PROM1: variants seen among roughly 807,000 people sequenced by gnomAD.
PROM1 encodes prominin-1.
Under a neutral mutation model 116.9 loss-of-function variants are expected in PROM1, and 105 were observed. That is an observed-to-expected ratio of 0.90 (90% CI 0.77 to 1.06). The LOEUF is 1.06. Ranked by LOEUF, PROM1 falls within the 50% of genes least tolerant of loss-of-function variation. PROM1 has a pLI of 0.00. For missense variants in PROM1, 1,122 were observed against 1,045.2 expected, an observed-to-expected ratio of 1.07 and a Z score of -1.01; for synonymous variants, 393 against 387.0, an observed-to-expected ratio of 1.02 and a Z score of -0.18.
chr4:15,971,378 T>C, intron 26 of PROM1: 2 of 331,976 alleles, frequency 6.0e-6, no homozygotes, highest in Non-Finnish European at 1.1e-5. Context: ...GAATACGTGT[T>C]GAAGACATTA....
At chr4:16,052,842 T>C (rs988821784) in intron 2 of PROM1, among the ~76,000 whole-genome samples, 1 of 152,202 alleles carries the variant, frequency 6.6e-6, no homozygotes, top group East Asian at 1.9e-4. Context: ...CAAATGATTG[T>C]TGGGGAACAG....
intron 13 of PROM1, among the ~76,000 whole-genome samples, chr4:16,004,823 C>CTT (rs1453283390): frequency 5.2e-5 from 6 of 114,766 alleles, no homozygotes; most frequent in Admixed American, 1.7e-4. Flanking sequence ...TTCTTTCTTT[C>CTT]TTTCTTTTTC....
chr4:15,991,673 G>A (rs992185600), intron 17 of PROM1, among the ~76,000 whole-genome samples: 3 of 151,078 alleles, frequency 2.0e-5, no homozygotes, highest in African/African-American at 7.3e-5. Flanking sequence ...AGAGGCTCAC[G>A]CCTGTAATTC....
chr4:16,044,989 G>A (rs758068023), intron 2 of PROM1, among the ~76,000 whole-genome samples: 7 of 152,202 alleles, frequency 4.6e-5, no homozygotes, highest in Non-Finnish European at 8.8e-5. Flanking sequence ...GTCCAGCACA[G>A]TGCCTGGTAT....
chr4:16,055,419 G>C (rs560120492), intron 2 of PROM1: 1 of 456,212 alleles, frequency 2.2e-6, no homozygotes, highest in African/African-American at 2.0e-5. Flanking sequence ...AAATGAGCAG[G>C]CTTCTCCTAT....
At chr4:16,035,217 A>G (rs184860628) in intron 4 of PROM1, among the ~76,000 whole-genome samples, 29 of 152,368 alleles carry the variant, frequency 1.9e-4, no homozygotes, top group African/African-American at 6.3e-4. Flanking sequence ...CAGCCCAGAC[A>G]TTCCAAACTC....
intron 25 of PROM1, 54 bp downstream of exon 25, chr4:15,979,827 A>G: frequency 7.3e-7 from 1 of 1,365,540 alleles, no homozygotes; most frequent in Non-Finnish European, 1.0e-6. Context: ...ATTACATAAT[A>G]ATATCAACCT....
intron 13 of PROM1, among the ~76,000 whole-genome samples, chr4:16,005,165 G>A (rs1041802317): frequency 1.3e-5 from 2 of 152,030 alleles, no homozygotes; most frequent in African/African-American, 4.8e-5. Flanking sequence ...GTTTCACCAT[G>A]TTGGTCAGGC....
At chr4:16,043,513 C>G (rs1735806311) in intron 2 of PROM1, among the ~76,000 whole-genome samples, 1 of 152,202 alleles carries the variant, frequency 6.6e-6, no homozygotes, top group African/African-American at 2.4e-5. Flanking sequence ...CCACCCTTCA[C>G]CAGGCCCCTG....
chr4:16,003,175 G>C (rs1470621014), intron 13 of PROM1: 1 of 405,090 alleles, frequency 2.5e-6, no homozygotes, highest in African/African-American at 2.1e-5. Context: ...CTGTCACCTA[G>C]TTATCATTTC....
intron 2 of PROM1, among the ~76,000 whole-genome samples, chr4:16,063,813 A>G (rs1233672253): frequency 6.6e-6 from 1 of 152,208 alleles, no homozygotes; most frequent in Non-Finnish European, 1.5e-5. Flanking sequence ...TTGGAGACAC[A>G]TTCTGAAATA....
chr4:16,038,717 A>C (rs1338334283), intron 3 of PROM1, among the ~76,000 whole-genome samples: 1 of 152,182 alleles, frequency 6.6e-6, no homozygotes, highest in East Asian at 1.9e-4. Context: ...TTTAATTTTT[A>C]AGTAACATAC....
rs1372299483 is a variant in PROM1 at position 15,979,905 on chromosome 4, C to T, written c.2490-1G>A. The T allele has an allele frequency of 1.0e-5, 14 of 1,388,056 alleles. No homozygotes were observed. The highest frequency in any genetic ancestry group is 1.4e-5 in the South Asian group (1 of 71,772). The allele number at this position is 1,388,056 out of a possible 1,614,324, so 86.0% of individuals were successfully genotyped here. Reference sequence around the variant, plus strand: ...CTTTTTCATGGGTATAGTTTCAACACTATAAAATACAAAAAAGGGAGATAA... The same window carrying T: ...CTTTTTCATGGGTATAGTTTCAACATTATAAAATACAAAAAAGGGAGATAA... On this transcript the variant is annotated splice_acceptor_variant, in intron 24 of 27. Coordinates refer to ENST00000447510, the MANE Select transcript of PROM1 (RefSeq NM_006017.3). LOFTEE classifies it high-confidence loss of function.
At chr4:16,052,121 G>A (rs571815137) in intron 2 of PROM1, among the ~76,000 whole-genome samples, 5 of 152,186 alleles carry the variant, frequency 3.3e-5, no homozygotes, top group Non-Finnish European at 7.4e-5. Flanking sequence ...CACAGCCAGT[G>A]TGGAGATGAA....
intron 27 of PROM1, among the ~76,000 whole-genome samples, chr4:15,969,597 A>T (rs1713871497): frequency 6.6e-6 from 1 of 152,050 alleles, no homozygotes; most frequent in African/African-American, 2.4e-5. Flanking sequence ...TTATTTATTT[A>T]TTTTTTTGAG....
At chr4:16,028,832 T>A (rs1265363021) in intron 5 of PROM1, among the ~76,000 whole-genome samples, 1 of 152,190 alleles carries the variant, frequency 6.6e-6, no homozygotes, top group African/African-American at 2.4e-5. Flanking sequence ...CAACAAAATC[T>A]CTTAGAATTT....
At position 16,075,927 on chromosome 4, in the gene PROM1, C is replaced by A; in HGVS notation, c.-21G>T. 1.9e-6 allele frequency: 3 copies of A among 1,587,130 alleles called. No individual in the cohort carries two copies. The highest frequency in any genetic ancestry group is 2.6e-6 in the Non-Finnish European group (3 of 1,164,954). ...GCCATAGCTAGCAAGATCCTCCAAACATGAGGTAGAACTTGGTGCCTCCTG... is the reference window on the plus strand; with the variant it reads ...GCCATAGCTAGCAAGATCCTCCAAAAATGAGGTAGAACTTGGTGCCTCCTG... On this transcript the variant is annotated 5_prime_UTR_variant, in exon 2 of 28. It removes an upstream start codon present in the reference 5' UTR. Coordinates refer to ENST00000447510, the MANE Select transcript of PROM1 (RefSeq NM_006017.3).
intron 23 of PROM1, among the ~76,000 whole-genome samples, chr4:15,983,570 C>T (rs545435487): frequency 5.3e-5 from 8 of 152,146 alleles, no homozygotes; most frequent in Admixed American, 2.0e-4. Flanking sequence ...GCAGAAGAAA[C>T]GGCATGTGCA....
At chr4:15,985,715 T>C in intron 22 of PROM1, 45 bp downstream of exon 22, 1 of 1,327,462 alleles carries the variant, frequency 7.5e-7, no homozygotes, top group Non-Finnish European at 1.1e-6. Flanking sequence ...ATGGCTATCC[T>C]GAAACTTGAC....
Sources: gnomAD v4.1 joint callset for allele counts (sites outside exome capture counted in the v4.1 genomes callset) on GRCh38, gnomAD v4.1.1 for gene constraint, MANE v1.5 for transcripts, NCBI Gene and HGNC (gene_info 2026-07-23, HGNC 2026-07-21) for gene names.